LRRTM3: variants seen among roughly 807,000 people sequenced by gnomAD.
The protein encoded by LRRTM3 is leucine-rich repeat transmembrane neuronal protein 3.
Under a neutral mutation model 44.7 loss-of-function variants are expected in LRRTM3, and 24 were observed. That is an observed-to-expected ratio of 0.54 (90% CI 0.39 to 0.76). The LOEUF (loss-of-function observed/expected upper bound fraction) is 0.76. Among genes scored for constraint, LRRTM3 ranks in the 30% least tolerant of loss-of-function variants. The pLI, the probability that LRRTM3 is intolerant of heterozygous loss-of-function variation, is 0.00. For synonymous variants in LRRTM3, 277 were observed against 278.7 expected, an observed-to-expected ratio of 0.99 and a Z score of 0.06; for missense variants, 587 against 702.2, an observed-to-expected ratio of 0.84 and a Z score of 1.85.
rs187858881 is a variant in LRRTM3, at chr10:67,092,111, A to C, written c.1537-5476A>C. ...ACAAGGACTACATCTAAAAAACTGA[A>C]TTTCTTCATTAAGAAGTCTGTTTCT... On this transcript the variant is annotated intron_variant, in intron 2 of 2. Coordinates refer to ENST00000361320, the MANE Select transcript of LRRTM3 (RefSeq NM_178011.5). Among the ~76,000 whole-genome samples, 11 of 152,140 alleles carry C rather than the reference A, an allele frequency of 7.2e-5. No homozygotes were observed. The East Asian group carries it at 2.1e-3, about 30-fold the overall frequency.
intron 2 of LRRTM3, among the ~76,000 whole-genome samples, chr10:67,007,619 G>C (rs1852074011): frequency 6.6e-6 from 1 of 151,776 alleles, no homozygotes; most frequent in Non-Finnish European, 1.5e-5. Context: ...GCTTTTTTCT[G>C]AAACCCTTGC....
chr10:67,020,698 G>C (rs1852950305), intron 2 of LRRTM3, among the ~76,000 whole-genome samples: 1 of 152,164 alleles, frequency 6.6e-6, no homozygotes, highest in Non-Finnish European at 1.5e-5. Context: ...TATTTAAGGG[G>C]AGAATAAGCA....
intron 2 of LRRTM3, among the ~76,000 whole-genome samples, chr10:66,964,325 G>T (rs554435692): frequency 1.3e-5 from 2 of 151,768 alleles, no homozygotes; most frequent in Non-Finnish European, 2.9e-5. Flanking sequence ...CATTGGTGGG[G>T]GAGATACACT....
intron 2 of LRRTM3, among the ~76,000 whole-genome samples, chr10:67,021,727 CTT>C (rs1463295020): frequency 1.3e-5 from 2 of 152,090 alleles, no homozygotes; most frequent in African/African-American, 2.4e-5. Flanking sequence ...AAAATTTCCT[CTT>C]AAGATTTCTG....
At chr10:67,013,218 T>C (rs1852449968) in intron 2 of LRRTM3, among the ~76,000 whole-genome samples, 1 of 151,604 alleles carries the variant, frequency 6.6e-6, no homozygotes, top group South Asian at 2.1e-4. Flanking sequence ...CAAATGCATC[T>C]GGTGTCTGTC....
At chr10:66,934,181 A>G (rs1006425909) in intron 2 of LRRTM3, among the ~76,000 whole-genome samples, 2 of 151,692 alleles carry the variant, frequency 1.3e-5, no homozygotes, top group Non-Finnish European at 2.9e-5. Context: ...CATTTTATTG[A>G]AAAAAAAGAA....
intron 2 of LRRTM3, among the ~76,000 whole-genome samples, chr10:66,986,135 A>G (rs1850717101): frequency 6.6e-6 from 1 of 152,178 alleles, no homozygotes; most frequent in African/African-American, 2.4e-5. Context: ...CTGTCTGGTT[A>G]ATCAGTATGT....
intron 2 of LRRTM3, among the ~76,000 whole-genome samples, chr10:66,930,641 A>C (rs895276654): frequency 6.6e-6 from 1 of 152,168 alleles, no homozygotes; most frequent in African/African-American, 2.4e-5. Context: ...GCAAATTCTC[A>C]ATGCCATGGT....
At position 66,941,405 on chromosome 10, in the gene LRRTM3, C is replaced by T. The variant is rs556418621; in HGVS notation, c.1536+12953C>T. On this transcript the variant is annotated intron_variant, in intron 2 of 2. Coordinates refer to ENST00000361320, the MANE Select transcript of LRRTM3 (RefSeq NM_178011.5). ...GAAATAATTTGCAACTAGGCACTGC[C>T]AGGAGAATATCTTAGGTTCCTCTCA... Among the ~76,000 whole-genome samples, 44 of 152,252 alleles carry T rather than the reference C, an allele frequency of 2.9e-4. No homozygotes were observed. The South Asian group carries it at 8.1e-3, about 28-fold the overall frequency.
chr10:67,089,990 T>C (rs1857535086), intron 2 of LRRTM3, among the ~76,000 whole-genome samples: 1 of 152,032 alleles, frequency 6.6e-6, no homozygotes, highest in African/African-American at 2.4e-5. Flanking sequence ...TGAAACAAAA[T>C]AATCAAACTA....
rs1336345674 is a variant in LRRTM3 at position 66,927,561 on chromosome 10, T to C, written c.645T>C (p.Asn215=). The change falls in exon 2 of 3, where the codon AAT becomes AAC. Residue 215 remains asparagine (N), a synonymous_variant. Transcript: ENST00000361320. This position sits in a 1 kb window ranked among gnomAD's most constrained non-coding sequence, Gnocchi z 4.7. ...TCAAAGAACTTCACCTGGAGCACAA[T>C]CAATTTTCCAAGCTCAACCTGGCCC... ...IRLKELHLEH[N]QFSKLNLALF... The C allele has an allele frequency of 3.7e-6, 6 of 1,614,152 alleles. No individual in the cohort carries two copies. Among genetic ancestry groups the C allele is most frequent in the Non-Finnish European group, 5.1e-6 (6 of 1,180,040 alleles).
Position 66,942,125 on chromosome 10 carries a change from CAT to C in LRRTM3, c.1536+13676_1536+13677del, listed in dbSNP as rs199625202. On this transcript the variant is annotated intron_variant, in intron 2 of 2. Transcript: ENST00000361320. ...CAATTTTGAGGATAAATTGAGATAACATATGTTTGCAGGCACAGCAGGTGTCA... is the reference window on the plus strand; with the variant it reads ...CAATTTTGAGGATAAATTGAGATAACATGTTTGCAGGCACAGCAGGTGTCA... Among the ~76,000 whole-genome samples the C allele has an allele frequency of 5.3e-5, 8 of 152,220 alleles. No individual in the cohort carries two copies. In the East Asian group the frequency reaches 1.4e-3, roughly 26 times the overall value.
intron 2 of LRRTM3, among the ~76,000 whole-genome samples, chr10:66,960,619 A>G (rs1326135251): frequency 1.3e-5 from 2 of 152,214 alleles, no homozygotes. Context: ...TGAATCAAAT[A>G]TTGTGAACAT....
At chr10:67,074,929 T>A (rs550173378) in intron 2 of LRRTM3, among the ~76,000 whole-genome samples, 2 of 152,326 alleles carry the variant, frequency 1.3e-5, no homozygotes, top group African/African-American at 4.8e-5. Flanking sequence ...GACATCATGC[T>A]GAAAATGGGT....
chr10:67,024,477 G>A (rs1048967880), intron 2 of LRRTM3, among the ~76,000 whole-genome samples: 1 of 152,120 alleles, frequency 6.6e-6, no homozygotes, highest in Non-Finnish European at 1.5e-5. Flanking sequence ...TGCAGGTTCT[G>A]GTGATTAGGA....
intron 2 of LRRTM3, among the ~76,000 whole-genome samples, chr10:66,983,564 G>C (rs34231128): frequency 0.16 from 24,968 of 152,032 alleles, 2,199 homozygotes; most frequent in Middle Eastern, 0.22. Context: ...ATCTAAACTG[G>C]AGTTTTTATT....
At chr10:67,080,516 G>T in intron 2 of LRRTM3, among the ~76,000 whole-genome samples, 2 of 152,228 alleles carry the variant, frequency 1.3e-5, no homozygotes, top group South Asian at 4.1e-4. Context: ...CCTCAGAGAG[G>T]AAATTTATGT....
intron 2 of LRRTM3, among the ~76,000 whole-genome samples, chr10:66,930,977 A>G (rs1010917227): frequency 6.6e-6 from 1 of 152,154 alleles, no homozygotes; most frequent in Non-Finnish European, 1.5e-5. Context: ...TTTAATAACT[A>G]GTTTACCACT....
chr10:66,979,612 C>T (rs1589536848), intron 2 of LRRTM3, among the ~76,000 whole-genome samples: 1 of 152,138 alleles, frequency 6.6e-6, no homozygotes, highest in Non-Finnish European at 1.5e-5. Flanking sequence ...CCTCAATTGC[C>T]ACATCAGTAA....
Sources: allele counts gnomAD v4.1 joint callset (sites outside exome capture counted in the v4.1 genomes callset), GRCh38; gene constraint gnomAD v4.1.1; non-coding constraint Gnocchi (gnomAD v3.1); transcripts MANE v1.5; gene names NCBI Gene and HGNC (gene_info 2026-07-23, HGNC 2026-07-21).